Variants in GUCY1A2 observed in about 807,000 individuals in gnomAD.
GUCY1A2 encodes guanylate cyclase soluble subunit alpha-2.
A neutral mutation model predicts 63.5 loss-of-function variants in GUCY1A2; 27 were observed. The ratio of observed to expected loss-of-function variants is 0.43; its 90% confidence interval spans 0.31 to 0.59. GUCY1A2 has a LOEUF of 0.59. Ranked by LOEUF, GUCY1A2 falls within the 20% of genes least tolerant of loss-of-function variation. The pLI is 0.11. For synonymous variants in GUCY1A2, 364 were observed against 343.5 expected (o/e 1.06, Z -0.66); for missense variants, 768 against 913.3 (o/e 0.84, Z 2.05).
At chr11:106,878,056 A>T (rs910700408) in intron 4 of GUCY1A2, among the ~76,000 whole-genome samples, 1 of 152,204 alleles carries the variant, frequency 6.6e-6, no homozygotes, top group South Asian at 2.1e-4. Flanking sequence ...CATTAAAGAA[A>T]TGCAAATCAA....
At chr11:106,780,069 T>C (rs932150146) in intron 5 of GUCY1A2, among the ~76,000 whole-genome samples, 2 of 152,042 alleles carry the variant, frequency 1.3e-5, no homozygotes, top group Admixed American at 6.6e-5. Flanking sequence ...CCCAGCTACT[T>C]GGAATTGCTA....
chr11:106,832,880 CT>C (rs1225761638), intron 4 of GUCY1A2, among the ~76,000 whole-genome samples: 1 of 152,008 alleles, frequency 6.6e-6, no homozygotes, highest in Non-Finnish European at 1.5e-5. Flanking sequence ...TTTTAGAGCC[CT>C]TAGCTCAGCA....
intron 5 of GUCY1A2, among the ~76,000 whole-genome samples, chr11:106,790,400 T>C (rs1048724554): frequency 6.6e-6 from 1 of 151,926 alleles, no homozygotes; most frequent in Non-Finnish European, 1.5e-5. Context: ...TGGGCTGCCC[T>C]CTGGCCCAGG....
intron 4 of GUCY1A2, among the ~76,000 whole-genome samples, chr11:106,914,846 CCTTGTAAGTTGTCACTCCAT>C (rs1860347749): frequency 6.6e-6 from 1 of 151,922 alleles, no homozygotes; most frequent in Non-Finnish European, 1.5e-5. Context: ...CATGTGAAGA[CCTTGTAAGTTGTCACTCCAT>C]CTTCCAACAA....
intron 4 of GUCY1A2, among the ~76,000 whole-genome samples, chr11:106,919,075 T>C (rs1052815043): frequency 6.6e-5 from 10 of 152,130 alleles, no homozygotes; most frequent in Admixed American, 6.6e-5. Context: ...TAGGTACATA[T>C]TGGTGGATAA....
intron 4 of GUCY1A2, among the ~76,000 whole-genome samples, chr11:106,875,726 T>G (rs1216858290): frequency 1.3e-5 from 2 of 152,042 alleles, no homozygotes; most frequent in African/African-American, 4.8e-5. Flanking sequence ...GACCATCAAT[T>G]AGAGTTGGAG....
rs180679998 is a variant in GUCY1A2 at position 106,769,662 on chromosome 11, A to G, written c.1836+6777T>C. Among the ~76,000 whole-genome samples, 3 of 152,274 alleles carry G rather than the reference A, an allele frequency of 2.0e-5. No homozygotes were observed. The East Asian group carries it at 5.8e-4, about 29-fold the overall frequency. On this transcript the variant is annotated intron_variant, in intron 6 of 7. Transcript: ENST00000526355. The stretch of plus-strand genomic sequence containing the variant: ...AGTTTCACCAGTAACATTATACGGT[A>G]TTTTTCCATATTACTGTTACAATAG...
intron 1 of GUCY1A2, among the ~76,000 whole-genome samples, chr11:107,011,775 CAA>C (rs961756765): frequency 1.5e-5 from 2 of 135,922 alleles, no homozygotes; most frequent in African/African-American, 2.7e-5. Context: ...GACCCTATTT[CAA>C]AAAAAAAAAG....
At chr11:106,741,069 T>C (rs547447495) in intron 6 of GUCY1A2, among the ~76,000 whole-genome samples, 1 of 152,254 alleles carries the variant, frequency 6.6e-6, no homozygotes, top group East Asian at 1.9e-4. Context: ...TGCTGTCCAA[T>C]AGAAAAACAA....
At chr11:106,965,041 T>C (rs1026872824) in intron 3 of GUCY1A2, among the ~76,000 whole-genome samples, 4 of 152,000 alleles carry the variant, frequency 2.6e-5, no homozygotes, top group Non-Finnish European at 5.9e-5. Flanking sequence ...TACAGTACCA[T>C]GTAGCAGTAT....
chr11:106,987,285 A>G (rs1378288004), intron 1 of GUCY1A2, among the ~76,000 whole-genome samples: 1 of 152,166 alleles, frequency 6.6e-6, no homozygotes, highest in Non-Finnish European at 1.5e-5. Flanking sequence ...GATACCTAAG[A>G]AGCAGTTAAT....
chr11:106,946,527 A>G (rs746030910), intron 3 of GUCY1A2, among the ~76,000 whole-genome samples: 37 of 152,218 alleles, frequency 2.4e-4, no homozygotes, highest in Admixed American at 4.6e-4. Context: ...GTCAACAGGC[A>G]AAGAATTCAA....
chr11:106,807,739 G>A (rs1858711202), intron 5 of GUCY1A2, among the ~76,000 whole-genome samples: 1 of 152,168 alleles, frequency 6.6e-6, no homozygotes, highest in South Asian at 2.1e-4. Context: ...CAATCCAGGT[G>A]GGTACCATCT....
rs182521172 is a variant in GUCY1A2 at position 106,967,560 on chromosome 11, T to A, written c.487+11059A>T. ...AGAACTAGGTATGCCCACTTATACA[T>A]AAACAGGAGAAAATCAGAAAAAAAT... On this transcript the variant is annotated intron_variant, in intron 3 of 7. Transcript: ENST00000526355. Among the ~76,000 whole-genome samples the A allele has an allele frequency of 5.9e-5, 9 of 152,058 alleles. No homozygotes were observed. The South Asian group carries it at 1.5e-3, about 25-fold the overall frequency.
chr11:106,726,991 G>A lies in GUCY1A2; in HGVS notation c.1837-18325C>T, dbSNP rs548113457. Among the ~76,000 whole-genome samples, 44 of 152,246 alleles carry A rather than the reference G, an allele frequency of 2.9e-4. 1 individual carries two copies. The highest frequency in any genetic ancestry group is 9.1e-4 in the African/African-American group (38 of 41,544). ...TTGGAACTGAATATTTAAAAGATTC[G>A]TAATCGGGGTAAAACCGAGGACCTG... is the stretch of plus-strand genomic sequence containing the variant. On this transcript the variant is annotated intron_variant, in intron 6 of 7. Coordinates refer to ENST00000526355, the MANE Select transcript of GUCY1A2 (RefSeq NM_000855.3).
At position 106,683,725 on chromosome 11, in the gene GUCY1A2, C is replaced by G. The variant is rs909549503; in HGVS notation, c.*3824G>C. The G allele has an allele frequency of 4.5e-6, 1 of 223,360 alleles. No homozygotes were observed. The highest frequency in any genetic ancestry group is 2.2e-5 in the African/African-American group (1 of 44,746). The allele number at this position is 223,360 out of a possible 1,614,324, so 13.8% of individuals were successfully genotyped here. The stretch of plus-strand genomic sequence containing the variant: ...CATTCTCAAAATGACAAGACAGAAA[C>G]CTGTGTGTAAAAGTTTTACTTTTTG... On this transcript the variant is annotated 3_prime_UTR_variant, in exon 8 of 8. Coordinates refer to ENST00000526355, the MANE Select transcript of GUCY1A2 (RefSeq NM_000855.3).
chr11:106,882,986 T>G (rs1859846876), intron 4 of GUCY1A2, among the ~76,000 whole-genome samples: 1 of 152,090 alleles, frequency 6.6e-6, no homozygotes, highest in Non-Finnish European at 1.5e-5. Flanking sequence ...GGTCATTTAG[T>G]TAAGTAGCAG....
chr11:106,948,523 A>G (rs1040662795), intron 3 of GUCY1A2, among the ~76,000 whole-genome samples: 2 of 152,286 alleles, frequency 1.3e-5, no homozygotes, highest in African/African-American at 2.4e-5. Context: ...CTGTTCAAAT[A>G]TAATAAAAGA....
rs182529448 is a variant in GUCY1A2, at chr11:106,982,496, G to A, written c.365+3574C>T. Among the ~76,000 whole-genome samples the A allele has an allele frequency of 8.5e-5, 13 of 152,266 alleles. No individual in the cohort carries two copies. The East Asian group carries it at 1.9e-3, about 23-fold the overall frequency. On this transcript the variant is annotated intron_variant, in intron 2 of 7. Transcript: ENST00000526355. ...AGGAAAGACAGTGCTATGGGAACAAGAAGCTCTCCAAGTGAGCATGAATAT... is the reference window on the plus strand; with the variant it reads ...AGGAAAGACAGTGCTATGGGAACAAAAAGCTCTCCAAGTGAGCATGAATAT...
Sources: allele counts gnomAD v4.1 joint callset (sites outside exome capture counted in the v4.1 genomes callset), GRCh38; gene constraint gnomAD v4.1.1; transcripts MANE v1.5; gene names NCBI Gene and HGNC (gene_info 2026-07-23, HGNC 2026-07-21).